Variants in MSI2 observed in about 807,000 individuals in gnomAD.
The protein encoded by MSI2 is musashi RNA binding protein 2, also known as RNA-binding protein Musashi homolog 2.
In MSI2, 17 loss-of-function variants were observed where a neutral mutation model predicts 45.6. The ratio of observed to expected loss-of-function variants is 0.37; its 90% confidence interval spans 0.26 to 0.56. The LOEUF (loss-of-function observed/expected upper bound fraction) is 0.56. Among genes scored for constraint, MSI2 ranks in the 20% least tolerant of loss-of-function variants. MSI2 has a pLI of 0.77. For synonymous variants in MSI2, 156 were observed against 158.2 expected, an observed-to-expected ratio of 0.99 and a Z score of 0.11; for missense variants, 293 against 444.2, an observed-to-expected ratio of 0.66 and a Z score of 3.06.
chr17:57,491,015 C>T (rs1194794851), intron 6 of MSI2, among the ~76,000 whole-genome samples: 2 of 152,118 alleles, frequency 1.3e-5, no homozygotes, highest in Admixed American at 6.5e-5. Flanking sequence ...GCCAGGGTTC[C>T]GGGGTGGGGA....
intron 11 of MSI2, among the ~76,000 whole-genome samples, chr17:57,654,907 A>G (rs550097112): frequency 1.5e-5 from 2 of 134,288 alleles, no homozygotes; most frequent in African/African-American, 5.7e-5. Flanking sequence ...TCTAGCTCCA[A>G]CGTTTGGGTT....
intron 5 of MSI2, chr17:57,365,000 T>C (rs1401653185): frequency 6.6e-6 from 1 of 152,106 alleles, no homozygotes; most frequent in Admixed American, 6.5e-5. Flanking sequence ...TTTAAAAAAA[T>C]AAAAACCACA....
chr17:57,375,213 C>T (rs1009310691), intron 5 of MSI2, among the ~76,000 whole-genome samples: 6 of 152,102 alleles, frequency 3.9e-5, no homozygotes, highest in African/African-American at 1.2e-4. Flanking sequence ...AAAAATGGAG[C>T]GAGAGATGGC....
intron 5 of MSI2, among the ~76,000 whole-genome samples, chr17:57,309,319 C>G (rs1257058515): frequency 1.3e-5 from 2 of 152,170 alleles, no homozygotes; most frequent in African/African-American, 4.8e-5. Flanking sequence ...TCAGAGCAAG[C>G]TTCTCTTATA....
intron 5 of MSI2, among the ~76,000 whole-genome samples, chr17:57,286,232 CTT>C (rs11312624): frequency 1.4e-5 from 2 of 142,264 alleles, no homozygotes; most frequent in Non-Finnish European, 1.5e-5. Context: ...AACAAATAGT[CTT>C]TTTTTTTTTT....
chr17:57,342,585 G>A (rs1002795122), intron 5 of MSI2, among the ~76,000 whole-genome samples: 1 of 152,186 alleles, frequency 6.6e-6, no homozygotes, highest in African/African-American at 2.4e-5. Flanking sequence ...CAGACTGTCC[G>A]TTCTTCATTT....
chr17:57,509,029 C>T (rs2143928196), intron 6 of MSI2, among the ~76,000 whole-genome samples: 1 of 152,306 alleles, frequency 6.6e-6, no homozygotes, highest in East Asian at 1.9e-4. Context: ...CAGAAATCCA[C>T]AGGGATCCTC....
intron 5 of MSI2, among the ~76,000 whole-genome samples, chr17:57,346,355 G>T (rs1037264789): frequency 6.8e-6 from 1 of 146,732 alleles, no homozygotes; most frequent in Admixed American, 6.8e-5. Flanking sequence ...TTTTGGGGGG[G>T]GGGGTCTGAT....
intron 7 of MSI2, among the ~76,000 whole-genome samples, chr17:57,567,297 C>A (rs1452350150): frequency 6.6e-6 from 1 of 152,174 alleles, no homozygotes; most frequent in Non-Finnish European, 1.5e-5. Flanking sequence ...GCTAGAACGA[C>A]CCAATTACAT....
chr17:57,562,527 C>T (rs568056332), intron 7 of MSI2, among the ~76,000 whole-genome samples: 18 of 152,336 alleles, frequency 1.2e-4, no homozygotes, highest in Admixed American at 7.8e-4. Context: ...TGTCGTAGCA[C>T]GCGACAGTGG....
chr17:57,558,603 C>T (rs899193232), intron 7 of MSI2, among the ~76,000 whole-genome samples: 5 of 152,186 alleles, frequency 3.3e-5, no homozygotes, highest in African/African-American at 1.2e-4. Flanking sequence ...GTCACTTGCC[C>T]CAGCCCTCTG....
intron 7 of MSI2, among the ~76,000 whole-genome samples, chr17:57,573,210 C>A (rs1217821276): frequency 6.6e-6 from 1 of 152,162 alleles, no homozygotes; most frequent in Non-Finnish European, 1.5e-5. Context: ...ATTTATATTT[C>A]CCAAATGCAT....
intron 8 of MSI2, among the ~76,000 whole-genome samples, chr17:57,604,320 C>T (rs1235790575): frequency 6.6e-6 from 1 of 152,186 alleles, no homozygotes; most frequent in Non-Finnish European, 1.5e-5. Context: ...TCGTCATTGT[C>T]ATCATTCTTA....
intron 8 of MSI2, among the ~76,000 whole-genome samples, chr17:57,606,053 C>T (rs903013797): frequency 1.3e-5 from 2 of 152,258 alleles, no homozygotes; most frequent in East Asian, 3.9e-4. Flanking sequence ...TCTCTTTGCA[C>T]ATCCTGCTGA....
At chr17:57,656,993 C>T (rs535453723) in intron 11 of MSI2, among the ~76,000 whole-genome samples, 45 of 152,266 alleles carry the variant, frequency 3.0e-4, no homozygotes, top group African/African-American at 1.1e-3. Flanking sequence ...CTCTTTAAGT[C>T]AGGATGTGGT....
chr17:57,268,850 C>A (rs56742015), intron 5 of MSI2, among the ~76,000 whole-genome samples: 6,551 of 152,074 alleles, frequency 0.043, 469 homozygotes, highest in African/African-American at 0.15. Context: ...AACAAACAAA[C>A]AAACAAACAA....
chr17:57,696,836 C>A, the MSI2 span, among the ~76,000 whole-genome samples: 1 of 152,140 alleles, frequency 6.6e-6, no homozygotes, highest in Non-Finnish European at 1.5e-5. Context: ...GATCAGCTAT[C>A]CTTTCTTCCT....
At chr17:57,296,738 A>C (rs534483763) in intron 5 of MSI2, among the ~76,000 whole-genome samples, 10 of 152,224 alleles carry the variant, frequency 6.6e-5, no homozygotes, top group Non-Finnish European at 1.5e-4. Flanking sequence ...ATATTGAATC[A>C]GTGTTAATTT....
chr17:57,320,799 C>A (rs1230595755), intron 5 of MSI2, among the ~76,000 whole-genome samples: 1 of 152,004 alleles, frequency 6.6e-6, no homozygotes, highest in African/African-American at 2.4e-5. Flanking sequence ...GCAAAGGGGT[C>A]CTGCAGAGGG....
Sources: allele counts gnomAD v4.1 joint callset (sites outside exome capture counted in the v4.1 genomes callset), GRCh38; gene constraint gnomAD v4.1.1; transcripts MANE v1.5; gene names NCBI Gene and HGNC (gene_info 2026-07-23, HGNC 2026-07-21).